Variants in GPC5 observed in about 807,000 individuals in gnomAD.
The protein encoded by GPC5 is glypican-5.
A neutral mutation model predicts 53.9 loss-of-function variants in GPC5; 47 were observed. The ratio of observed to expected loss-of-function variants is 0.87; its 90% CI spans 0.69 to 1.11. GPC5 has a LOEUF of 1.11. GPC5 is among the 50% of genes most tolerant of loss of function. The probability of loss-of-function intolerance (pLI) is 0.00; values close to 1 mark genes in which losing one functional copy is unlikely to be tolerated. For missense variants in GPC5, 748 were observed against 713.1 expected (o/e 1.05, Z -0.56); for synonymous variants, 286 against 263.3 (o/e 1.09, Z -0.84).
chr13:92,546,065 T>C (rs1882098468), intron 7 of GPC5, among the ~76,000 whole-genome samples: 1 of 152,114 alleles, frequency 6.6e-6, no homozygotes, highest in Non-Finnish European at 1.5e-5. Context: ...TCATACTGAA[T>C]GGACACAAAC....
intron 6 of GPC5, among the ~76,000 whole-genome samples, chr13:91,997,467 G>A (rs1215664437): frequency 6.6e-6 from 1 of 151,902 alleles, no homozygotes; most frequent in Non-Finnish European, 1.5e-5. Context: ...GTTAAATGTG[G>A]TACAGATATC....
intron 2 of GPC5, among the ~76,000 whole-genome samples, chr13:91,664,662 G>T (rs758694540): frequency 4.6e-5 from 7 of 152,016 alleles, no homozygotes; most frequent in Non-Finnish European, 1.0e-4. Context: ...TTTGAAACCA[G>T]GACCTAATAT....
At chr13:91,779,963 G>A (rs1490526528) in intron 5 of GPC5, among the ~76,000 whole-genome samples, 6 of 152,108 alleles carry the variant, frequency 3.9e-5, no homozygotes, top group South Asian at 2.1e-4. Flanking sequence ...TACATAAACC[G>A]GTAACATAGC....
At chr13:92,796,240 T>C (rs1394784022) in intron 7 of GPC5, among the ~76,000 whole-genome samples, 1 of 152,064 alleles carries the variant, frequency 6.6e-6, no homozygotes, top group Non-Finnish European at 1.5e-5. Context: ...GAAACCACGA[T>C]TCTCATCAAA....
At chr13:92,709,098 A>G (rs1888049058) in intron 7 of GPC5, among the ~76,000 whole-genome samples, 1 of 151,356 alleles carries the variant, frequency 6.6e-6, no homozygotes, top group South Asian at 2.1e-4. Context: ...CCCAGGCTAG[A>G]GTGCAATGGC....
At chr13:91,848,819 C>T (rs148605054) in intron 5 of GPC5, among the ~76,000 whole-genome samples, 9 of 152,174 alleles carry the variant, frequency 5.9e-5, no homozygotes, top group East Asian at 1.9e-4. Context: ...TCAATTGTTA[C>T]GCAAATAATT....
chr13:91,949,902 G>T (rs1195546402), intron 6 of GPC5, among the ~76,000 whole-genome samples: 1 of 152,088 alleles, frequency 6.6e-6, no homozygotes, highest in Non-Finnish European at 1.5e-5. Context: ...CTTTCACTTT[G>T]TCTTTAGCTA....
intron 7 of GPC5, among the ~76,000 whole-genome samples, chr13:92,347,912 A>ATATT (rs1491384861): frequency 5.2e-4 from 1 of 1,920 alleles, no homozygotes; most frequent in Non-Finnish European, 8.3e-4. Context: ...ATATATATAT[A>ATATT]ATATATATAT....
At chr13:91,794,744 C>T (rs1482223437) in intron 5 of GPC5, among the ~76,000 whole-genome samples, 1 of 152,184 alleles carries the variant, frequency 6.6e-6, no homozygotes, top group African/African-American at 2.4e-5. Context: ...AAGGACAAAT[C>T]CTGAGTCTGC....
chr13:91,692,214 A>G (rs1013991766), intron 2 of GPC5, among the ~76,000 whole-genome samples: 5 of 152,226 alleles, frequency 3.3e-5, no homozygotes, highest in Non-Finnish European at 7.3e-5. Flanking sequence ...AGATGATAAG[A>G]AAAAGGATAT....
intron 7 of GPC5, among the ~76,000 whole-genome samples, chr13:92,696,020 A>G (rs569765589): frequency 7.2e-5 from 11 of 152,282 alleles, no homozygotes; most frequent in African/African-American, 2.4e-4. Context: ...CCTGAAAAGG[A>G]CATGAACTCA....
rs186870693 is a variant in GPC5, at chr13:91,812,094, C to T, written c.1280+55674C>T. On this transcript the variant is annotated intron_variant, in intron 5 of 7. Transcript: ENST00000377067. The stretch of plus-strand genomic sequence containing the variant: ...CTGTGAATAAAGTGGCAGGTAGTAC[C>T]TGTTGCCTTAGGCTGAAGTGGAAAG... 1.8e-3 allele frequency among the ~76,000 whole-genome samples: 281 copies of T among 152,272 alleles called. 2 individuals are homozygous for T. In the Middle Eastern group the frequency reaches 0.037, roughly 20 times the overall value.
chr13:92,086,459 G>A lies in GPC5; in HGVS notation c.1402-58371G>A, dbSNP rs532920627. ...GCACCCACATTCATTGCCTCATCAG[G>A]AATGATGACATCTTCTGTAGCTATT... On this transcript the variant is annotated intron_variant, in intron 6 of 7. Coordinates refer to ENST00000377067, the MANE Select transcript of GPC5 (RefSeq NM_004466.6). Among the ~76,000 whole-genome samples, 92 of 152,256 alleles carry A rather than the reference G, an allele frequency of 6.0e-4. 1 individual carries two copies. The South Asian group carries it at 0.019, about 31-fold the overall frequency.
At chr13:92,345,459 T>A (rs974934009) in intron 7 of GPC5, among the ~76,000 whole-genome samples, 2 of 152,124 alleles carry the variant, frequency 1.3e-5, no homozygotes, top group African/African-American at 2.4e-5. Flanking sequence ...TGGGCTGCAA[T>A]CTCTACCAAC....
chr13:91,854,826 C>T (rs1301330681), intron 5 of GPC5, among the ~76,000 whole-genome samples: 1 of 151,570 alleles, frequency 6.6e-6, no homozygotes, highest in Non-Finnish European at 1.5e-5. Context: ...ATTTAAGCCT[C>T]AAATTTATAC....
At chr13:92,069,430 G>C (rs1179375091) in intron 6 of GPC5, among the ~76,000 whole-genome samples, 2 of 151,740 alleles carry the variant, frequency 1.3e-5, no homozygotes, top group Non-Finnish European at 2.9e-5. Flanking sequence ...GTGTGTGTGT[G>C]TGTGTGTGTG....
intron 2 of GPC5, among the ~76,000 whole-genome samples, chr13:91,600,177 T>C (rs2033130198): frequency 6.6e-6 from 1 of 152,182 alleles, no homozygotes; most frequent in South Asian, 2.1e-4. Context: ...CGCCTTGGCC[T>C]CCCAAAGTGC....
At chr13:92,038,392 A>G (rs1277186196) in intron 6 of GPC5, among the ~76,000 whole-genome samples, 1 of 150,168 alleles carries the variant, frequency 6.7e-6, no homozygotes, top group Non-Finnish European at 1.5e-5. Context: ...AGGTAGATAG[A>G]TAGATCGATC....
intron 1 of GPC5, among the ~76,000 whole-genome samples, chr13:91,427,661 A>C (rs867423833): frequency 6.6e-6 from 1 of 152,054 alleles, no homozygotes; most frequent in Non-Finnish European, 1.5e-5. Flanking sequence ...ATGAGTTAAG[A>C]CTTTGGGGGA....
Sources: allele counts gnomAD v4.1 joint callset (sites outside exome capture counted in the v4.1 genomes callset), GRCh38; gene constraint gnomAD v4.1.1; transcripts MANE v1.5; gene names NCBI Gene and HGNC (gene_info 2026-07-23, HGNC 2026-07-21).